Variants in ZNF462 observed in about 807,000 individuals in gnomAD.
ZNF462 encodes zinc finger protein 462, also known as zinc finger PBX1-interacting protein.
ZNF462 carries 10 observed loss-of-function variants against 201.9 expected under a neutral mutation model. The observed-to-expected ratio is 0.05, with a 90% CI of 0.03 to 0.08. ZNF462 has a LOEUF of 0.08. Among genes scored for constraint, ZNF462 ranks in the 10% least tolerant of loss-of-function variants. ZNF462 has a pLI of 1.00. For synonymous variants in ZNF462, 1,227 were observed against 1,193.3 expected, an observed-to-expected ratio of 1.03 and a Z score of -0.58; for missense variants, 2,523 against 3,168.3, an observed-to-expected ratio of 0.80 and a Z score of 4.89.
intron 7 of ZNF462, among the ~76,000 whole-genome samples, chr9:106,942,034 C>A (rs1418650068): frequency 2.6e-5 from 4 of 152,224 alleles, no homozygotes; most frequent in Non-Finnish European, 5.9e-5. Context: ...GTTTCCCACA[C>A]TGCAGATGCC....
chr9:106,988,158 G>T (rs1827994478), intron 10 of ZNF462, among the ~76,000 whole-genome samples: 1 of 152,100 alleles, frequency 6.6e-6, no homozygotes. Flanking sequence ...ATTTACAAAA[G>T]CAAGAGGTTT....
At position 106,905,338 on chromosome 9, in the gene ZNF462, A is replaced by G. The variant is rs886913363; in HGVS notation, c.-30-18016A>G. 1.4e-4 allele frequency among the ~76,000 whole-genome samples: 22 copies of G among 152,174 alleles called. No individual in the cohort carries two copies. Among genetic ancestry groups the G allele is most frequent in the South Asian group, 8.3e-4 (4 of 4,830 alleles). ...TCTGGTGGAGGTGGCAGAGTGTGCA[A>G]TGGACTCTCTGAGGGTCCTTAGCTT... On this transcript the variant is annotated intron_variant, in intron 1 of 12. Transcript: ENST00000277225. The surrounding 1 kb of genome is among the most constrained non-coding windows in gnomAD (Gnocchi z 5.9).
rs1305999932 is a variant in ZNF462, at chr9:106,923,646, G to A, written c.220+43G>A. 7.5e-6 allele frequency: 12 copies of A among 1,590,288 alleles called. No individual in the cohort carries two copies. Among genetic ancestry groups the A allele is most frequent in the Non-Finnish European group, 9.5e-6 (11 of 1,159,344 alleles). ...TTGGCACGGCCGATGTATTTTAATT[G>A]CTCTTGTTTCCTTTTAGCCTGTAGC... On this transcript the variant is annotated intron_variant, in intron 2 of 12. Coordinates refer to ENST00000277225, the MANE Select transcript of ZNF462 (RefSeq NM_021224.6). The surrounding 1 kb of genome is among the most constrained non-coding windows in gnomAD (Gnocchi z 5.6).
Position 106,926,026 on chromosome 9 carries a change from G to A in ZNF462, c.2114G>A (p.Ser705Asn), listed in dbSNP as rs746018846. The A allele has an allele frequency of 6.2e-7, 1 of 1,614,182 alleles. No homozygotes were observed. Among genetic ancestry groups the A allele is most frequent in the Non-Finnish European group, 8.5e-7 (1 of 1,180,046 alleles). The change falls in exon 3 of 13, where the codon AGC (serine) becomes AAC (asparagine). Residue 705 changes from serine (S) to asparagine (N), a missense_variant. Ser to Asn is a conservative substitution (Grantham distance 46, BLOSUM62 1). Transcript: ENST00000277225. This position sits in a 1 kb window ranked among gnomAD's most constrained non-coding sequence, Gnocchi z 7.9. ...GACGAGATAGCAAGCAACCTTCAGA[G>A]CAAAATTAACCAAACCAAACAGCAG... ...RIDEIASNLQ[S>N]KINQTKQQED...
At chr9:106,957,392 A>C (rs1831629012) in intron 7 of ZNF462, among the ~76,000 whole-genome samples, 2 of 152,182 alleles carry the variant, frequency 1.3e-5, no homozygotes, top group South Asian at 4.1e-4. Flanking sequence ...AAATATTAAC[A>C]TCAAAGATCA....
intron 1 of ZNF462, among the ~76,000 whole-genome samples, chr9:106,900,365 G>A (rs999190739): frequency 8.6e-5 from 13 of 151,968 alleles, no homozygotes; most frequent in Middle Eastern, 3.4e-3. Context: ...TATCTTTTTC[G>A]AATAATGACT....
chr9:106,871,310 C>T (rs1009618164), intron 1 of ZNF462, among the ~76,000 whole-genome samples: 18 of 152,268 alleles, frequency 1.2e-4, no homozygotes, highest in South Asian at 4.1e-4. Context: ...GTCAGAAAAG[C>T]AAACAGTAGC....
chr9:106,953,499 A>C (rs1048118280), intron 7 of ZNF462, among the ~76,000 whole-genome samples: 1 of 151,956 alleles, frequency 6.6e-6, no homozygotes, highest in Non-Finnish European at 1.5e-5. Flanking sequence ...CTCCTGGGGA[A>C]ATTCTCTTCC....
chr9:106,861,579 T>C (rs1827067871), upstream of ZNF462, among the ~76,000 whole-genome samples: 4 of 152,348 alleles, frequency 2.6e-5, no homozygotes, highest in South Asian at 8.3e-4. Context: ...GCTGTTGATG[T>C]CCAACTCCAA....
rs1181372100 is a variant in ZNF462, at chr9:107,009,301, T to C, written c.7190-244T>C. 4.3e-6 allele frequency: 2 copies of C among 464,506 alleles called. No individual in the cohort carries two copies. The highest frequency in any genetic ancestry group is 7.6e-6 in the Non-Finnish European group (2 of 262,732). 28.8% of individuals were successfully genotyped at this position (464,506 alleles called of 1,614,324 possible). A position where few individuals can be genotyped will look rare whatever the true frequency, so the allele number is the denominator to read the frequency against. On this transcript the variant is annotated intron_variant, in intron 11 of 12. Coordinates refer to ENST00000277225, the MANE Select transcript of ZNF462 (RefSeq NM_021224.6). The surrounding 1 kb of genome is among the most constrained non-coding windows in gnomAD (Gnocchi z 6.1). Reference sequence around the variant, plus strand: ...GTCAAGAAAGACCCAGATTTTGTGATAGAAGCATTGGGGAGGTGAGGCGAA... The same window carrying C: ...GTCAAGAAAGACCCAGATTTTGTGACAGAAGCATTGGGGAGGTGAGGCGAA...
At chr9:106,867,277 G>C (rs1372888807) in intron 1 of ZNF462, among the ~76,000 whole-genome samples, 1 of 152,100 alleles carries the variant, frequency 6.6e-6, no homozygotes, top group Non-Finnish European at 1.5e-5. Context: ...GAAATAAAAA[G>C]TATTAAATCA....
Position 107,013,311 on chromosome 9 carries a change from C to T in ZNF462, c.*2281C>T, listed in dbSNP as rs190548159. The T allele has an allele frequency of 6.6e-6, 1 of 152,180 alleles. No homozygotes were observed. The highest frequency in any genetic ancestry group is 1.9e-4 in the East Asian group (1 of 5,176). The allele number at this position is 152,180 out of a possible 1,614,324, so 9.4% of individuals were successfully genotyped here. A position where few individuals can be genotyped will look rare whatever the true frequency, so the allele number is the denominator to read the frequency against. On this transcript the variant is annotated 3_prime_UTR_variant, in exon 13 of 13. Transcript: ENST00000277225. ...ACATATACCTGATATTTTGTGGCCG[C>T]ACATTTTGGATGCATTATTATAATT...
chr9:106,889,714 A>G (rs1828490984), intron 1 of ZNF462, among the ~76,000 whole-genome samples: 1 of 152,152 alleles, frequency 6.6e-6, no homozygotes, highest in African/African-American at 2.4e-5. Context: ...GCTCTACAGA[A>G]ATGAAAGACC....
rs545762814 is a variant in ZNF462, at chr9:106,968,558, G to A, written c.6428-3447G>A. Among the ~76,000 whole-genome samples the A allele has an allele frequency of 2.0e-5, 3 of 152,256 alleles. No homozygotes were observed. The highest frequency in any genetic ancestry group is 4.4e-5 in the Non-Finnish European group (3 of 68,002). Reference sequence around the variant, plus strand: ...GTCAGGGTTGGTTGGTTGGTTGGTTGGTTGGTTGGGAATGTATGGTGATGC... The same window carrying A: ...GTCAGGGTTGGTTGGTTGGTTGGTTAGTTGGTTGGGAATGTATGGTGATGC... On this transcript the variant is annotated intron_variant, in intron 7 of 12. Coordinates refer to ENST00000277225, the MANE Select transcript of ZNF462 (RefSeq NM_021224.6). This position sits in a 1 kb window ranked among gnomAD's most constrained non-coding sequence, Gnocchi z 4.0.
Position 106,972,145 on chromosome 9 carries a change from G to T in ZNF462, c.6568G>T (p.Val2190Leu). 1 of 1,614,204 alleles carries T rather than the reference G, an allele frequency of 6.2e-7. No individual in the cohort carries two copies. Among genetic ancestry groups the T allele is most frequent in the Non-Finnish European group, 8.5e-7 (1 of 1,180,040 alleles). Reference protein sequence around the residue: ...AAGTEQKTEAVLHCEFCEFSS... With the variant: ...AAGTEQKTEALLHCEFCEFSS... ...TGGCACTGAGCAGAAAACTGAAGCC[G>T]TGCTTCACTGCGAATTCTGTGAATT... The change falls in exon 8 of 13, where the codon GTG (valine) becomes TTG (leucine). Residue 2190 changes from valine to leucine, a missense_variant. By Grantham distance (32) the Val-to-Leu change is conservative. Transcript: ENST00000277225. This position sits in a 1 kb window ranked among gnomAD's most constrained non-coding sequence, Gnocchi z 4.8.
At chr9:106,915,190 C>A (rs890614475) in intron 1 of ZNF462, among the ~76,000 whole-genome samples, 8 of 149,956 alleles carry the variant, frequency 5.3e-5, no homozygotes, top group Middle Eastern at 7.0e-3. Context: ...GCTGGATAGG[C>A]ATTTCTGTAT....
intron 1 of ZNF462, among the ~76,000 whole-genome samples, chr9:106,869,212 G>T (rs1242599306): frequency 6.6e-6 from 1 of 152,164 alleles, no homozygotes; most frequent in African/African-American, 2.4e-5. Flanking sequence ...TAATACTGAT[G>T]AATGGCTGAG....
Position 106,974,258 on chromosome 9 carries a change from A to G in ZNF462, c.6817A>G (p.Ile2273Val), listed in dbSNP as rs746089948. Reference protein sequence around the residue: ...TKYKRNMIDHIVLHREERVVP... With the variant: ...TKYKRNMIDHVVLHREERVVP... Reference sequence around the variant, plus strand: ...ATACAAGCGCAACATGATTGACCACATCGTGCTGCACCGAGGTAACCTTTC... The same window carrying G: ...ATACAAGCGCAACATGATTGACCACGTCGTGCTGCACCGAGGTAACCTTTC... The change falls in exon 9 of 13, where the codon ATC becomes GTC. Residue 2273 changes from isoleucine to valine, a missense_variant. Physicochemically the swap from Ile to Val is conservative, Grantham distance 29. This residue lies in a region of ZNF462 where 228 missense variants were observed against 361.2 expected (regional missense o/e 0.63). Coordinates refer to ENST00000277225, the MANE Select transcript of ZNF462 (RefSeq NM_021224.6). This position sits in a 1 kb window ranked among gnomAD's most constrained non-coding sequence, Gnocchi z 4.0. 3.5e-5 allele frequency: 56 copies of G among 1,613,524 alleles called. 3 individuals carry two copies. The South Asian group carries it at 5.3e-4, about 15-fold the overall frequency.
chr9:106,947,296 C>T (rs185644653), intron 7 of ZNF462, among the ~76,000 whole-genome samples: 2 of 152,322 alleles, frequency 1.3e-5, no homozygotes, highest in Admixed American at 1.3e-4. Context: ...CTAGGTTCTT[C>T]AGCTTCCATG....
Sources: allele counts gnomAD v4.1 joint callset (sites outside exome capture counted in the v4.1 genomes callset), GRCh38; gene constraint gnomAD v4.1.1; regional missense constraint gnomAD v4.1.1; non-coding constraint Gnocchi (gnomAD v3.1); transcripts MANE v1.5; gene names NCBI Gene and HGNC (gene_info 2026-07-23, HGNC 2026-07-21).